AGBL1: variants seen among roughly 807,000 people sequenced by gnomAD.
AGBL1 encodes the protein cytosolic carboxypeptidase 4.
A neutral mutation model predicts 118.9 loss-of-function variants in AGBL1; 130 were observed. The ratio of observed to expected loss-of-function variants is 1.09; its 90% CI spans 0.95 to 1.26. The LOEUF (loss-of-function observed/expected upper bound fraction) is 1.26, where lower values mean the gene tolerates loss of function less well. AGBL1 is among the 50% of genes most tolerant of loss of function. AGBL1 has a pLI of 0.00. For missense variants in AGBL1, 1,584 were observed against 1,298.1 expected, an observed-to-expected ratio of 1.22 and a Z score of -3.38; for synonymous variants, 555 against 478.9, an observed-to-expected ratio of 1.16 and a Z score of -2.08.
At chr15:87,014,277 CAAAAGA>C (rs1382982061) in intron 24 of AGBL1, among the ~76,000 whole-genome samples, 2 of 86,184 alleles carry the variant, frequency 2.3e-5, no homozygotes, top group East Asian at 5.3e-4. Context: ...TTAGCTAACG[CAAAAGA>C]AAGAGAAAAA....
intron 21 of AGBL1, chr15:86,556,291 G>A: frequency 3.1e-6 from 5 of 1,609,452 alleles, no homozygotes; most frequent in African/African-American, 1.3e-5. Flanking sequence ...TTCAGGTATT[G>A]GAGCAGCATT....
intron 23 of AGBL1, among the ~76,000 whole-genome samples, chr15:86,941,199 T>C (rs887883056): frequency 6.6e-6 from 1 of 152,216 alleles, no homozygotes; most frequent in African/African-American, 2.4e-5. Flanking sequence ...GAGCACAAAC[T>C]CTTTGGCTTT....
At chr15:86,731,573 G>A (rs1317987223) in intron 22 of AGBL1, among the ~76,000 whole-genome samples, 1 of 152,218 alleles carries the variant, frequency 6.6e-6, no homozygotes, top group East Asian at 1.9e-4. Flanking sequence ...GCAAAGCTAG[G>A]AAGGAAATCT....
chr15:86,890,197 T>C (rs2080032620), intron 22 of AGBL1, among the ~76,000 whole-genome samples: 1 of 152,224 alleles, frequency 6.6e-6, no homozygotes, highest in Non-Finnish European at 1.5e-5. Flanking sequence ...GAATGTCTTC[T>C]TTTGAGAAGT....
chr15:86,582,650 G>A (rs1310235445), intron 21 of AGBL1, among the ~76,000 whole-genome samples: 2 of 152,122 alleles, frequency 1.3e-5, no homozygotes, highest in Non-Finnish European at 2.9e-5. Flanking sequence ...AGAAAATGTG[G>A]CACATATACA....
chr15:86,752,999 CT>C (rs2077878367), intron 22 of AGBL1, among the ~76,000 whole-genome samples: 1 of 152,060 alleles, frequency 6.6e-6, no homozygotes, highest in Admixed American at 6.6e-5. Context: ...TTCAGTCCTT[CT>C]AAAAACAAGG....
chr15:86,768,252 C>A (rs1430161860), intron 22 of AGBL1, among the ~76,000 whole-genome samples: 1 of 151,958 alleles, frequency 6.6e-6, no homozygotes, highest in Non-Finnish European at 1.5e-5. Context: ...AATTTCTGGA[C>A]ACAAACATCT....
intron 22 of AGBL1, among the ~76,000 whole-genome samples, chr15:86,806,928 C>A (rs1329220117): frequency 2.0e-5 from 3 of 151,728 alleles, no homozygotes; most frequent in African/African-American, 7.3e-5. Context: ...ATATATTATT[C>A]TTTATTGGTG....
intron 6 of AGBL1, among the ~76,000 whole-genome samples, chr15:86,241,306 C>A (rs1410151213): frequency 1.3e-5 from 2 of 151,942 alleles, no homozygotes; most frequent in Non-Finnish European, 2.9e-5. Flanking sequence ...AAGGAATGAT[C>A]ATTTATTGAG....
intron 22 of AGBL1, among the ~76,000 whole-genome samples, chr15:86,698,610 G>GT (rs78700642): frequency 0.11 from 15,380 of 138,286 alleles, 1,023 homozygotes; most frequent in African/African-American, 0.2. Context: ...GCTGATCATT[G>GT]TTTTTTTTTT....
Position 86,756,461 on chromosome 15 carries a change from A to G in AGBL1, c.3158+82025A>G, listed in dbSNP as rs563139567. Among the ~76,000 whole-genome samples, 8 of 152,212 alleles carry G rather than the reference A, an allele frequency of 5.3e-5. No individual in the cohort carries two copies. In the East Asian group the frequency reaches 1.5e-3, roughly 29 times the overall value. ...TGGCTCCTGACTAAGTAAGAGGTGA[A>G]GAAGAGGACAGAGATGCTGCCCTTC... On this transcript the variant is annotated intron_variant, in intron 22 of 22. Transcript: ENST00000614907.
chr15:86,806,336 A>G (rs1242149720), intron 22 of AGBL1, among the ~76,000 whole-genome samples: 1 of 152,184 alleles, frequency 6.6e-6, no homozygotes, highest in Non-Finnish European at 1.5e-5. Flanking sequence ...CTGATTAAGC[A>G]GAGGAAATAT....
intron 17 of AGBL1, among the ~76,000 whole-genome samples, chr15:86,332,820 T>C (rs2080296374): frequency 6.6e-6 from 1 of 152,114 alleles, no homozygotes; most frequent in Admixed American, 6.5e-5. Flanking sequence ...CAAGTCTCAA[T>C]AAATTAAAAA....
intron 18 of AGBL1, among the ~76,000 whole-genome samples, chr15:86,400,464 G>A (rs776401372): frequency 6.7e-6 from 1 of 148,612 alleles, no homozygotes; most frequent in South Asian, 2.1e-4. Context: ...CCTTTGTAAT[G>A]TATTTTAACA....
chr15:86,355,977 T>C (rs1300505123), intron 17 of AGBL1, among the ~76,000 whole-genome samples: 1 of 152,196 alleles, frequency 6.6e-6, no homozygotes, highest in African/African-American at 2.4e-5. Flanking sequence ...CCTGTCTTCT[T>C]TTCAGCACCA....
chr15:86,933,916 C>G (rs775482822), intron 23 of AGBL1, among the ~76,000 whole-genome samples: 4 of 152,194 alleles, frequency 2.6e-5, no homozygotes, highest in Non-Finnish European at 5.9e-5. Flanking sequence ...CTGCCCAGTA[C>G]AAGCTCTGTG....
At position 86,295,323 on chromosome 15, in the gene AGBL1, C is replaced by G. The variant is rs887196922; in HGVS notation, c.2289C>G (p.Cys763Trp). Residue 763 changes from cysteine (C) to tryptophan (W), a missense_variant, in exon 17 of 23, where the codon TGC (cysteine) becomes TGG (tryptophan). Transcript: ENST00000614907. ...TCTACTTCCGGCAAGATGTTCTCTG[C>G]CAGACGCTGGGAGGGAATCCGTGTC... ...KEVYFRQDVL[C>W]QTLGGNPCPL... 3 of 1,613,386 alleles carry G rather than the reference C, an allele frequency of 1.9e-6. No homozygotes were observed. Among genetic ancestry groups the G allele is most frequent in the South Asian group, 1.1e-5 (1 of 91,040 alleles).
chr15:86,818,509 A>G (rs2078896684), intron 22 of AGBL1, among the ~76,000 whole-genome samples: 1 of 152,116 alleles, frequency 6.6e-6, no homozygotes, highest in African/African-American at 2.4e-5. Context: ...ACTCCCCCAA[A>G]CCCCAACTGT....
intron 22 of AGBL1, among the ~76,000 whole-genome samples, chr15:86,821,903 T>C (rs2078947436): frequency 6.6e-6 from 1 of 152,178 alleles, no homozygotes; most frequent in Non-Finnish European, 1.5e-5. Flanking sequence ...AGGCATGGGA[T>C]TTAACCAATA....
Sources: gnomAD v4.1 joint callset for allele counts (sites outside exome capture counted in the v4.1 genomes callset) on GRCh38, gnomAD v4.1.1 for gene constraint, MANE v1.5 for transcripts, NCBI Gene and HGNC (gene_info 2026-07-23, HGNC 2026-07-21) for gene names.